TYR: variants seen among roughly 807,000 people sequenced by gnomAD.
The protein encoded by TYR is tyrosinase.
Under a neutral mutation model 51.5 loss-of-function variants are expected in TYR, and 58 were observed. That is an observed-to-expected ratio of 1.13 (90% CI 0.91 to 1.40). The LOEUF is 1.40. Ranked by LOEUF, TYR falls within the 40% of genes most tolerant of loss-of-function variation. TYR has a pLI of 0.00. For missense variants in TYR, 732 were observed against 647.4 expected, an observed-to-expected ratio of 1.13 and a Z score of -1.42; for synonymous variants, 263 against 235.2, an observed-to-expected ratio of 1.12 and a Z score of -1.08.
chr11:89,262,476 A>G (rs1373587889), intron 3 of TYR, among the ~76,000 whole-genome samples: 1 of 152,024 alleles, frequency 6.6e-6, no homozygotes, highest in Non-Finnish European at 1.5e-5. Context: ...ATAAGAAGAA[A>G]GAAATAGTAA....
chr11:89,230,635 A>T (rs1313228235), intron 3 of TYR, among the ~76,000 whole-genome samples: 1 of 152,164 alleles, frequency 6.6e-6, no homozygotes, highest in African/African-American at 2.4e-5. Context: ...TATACCTCTG[A>T]TAAGGGGTTA....
At chr11:89,201,125 T>C (rs1458231120) in intron 2 of TYR, among the ~76,000 whole-genome samples, 1 of 152,212 alleles carries the variant, frequency 6.6e-6, no homozygotes, top group Admixed American at 6.5e-5. Flanking sequence ...TCATCAGAAA[T>C]ATCTTTAAGT....
intron 3 of TYR, among the ~76,000 whole-genome samples, chr11:89,268,948 G>A (rs1404050846): frequency 3.3e-5 from 5 of 151,748 alleles, no homozygotes; most frequent in South Asian, 2.1e-4. Context: ...CCACTTTCTC[G>A]TTTCCCATCT....
intron 2 of TYR, among the ~76,000 whole-genome samples, chr11:89,218,642 A>T (rs1164410492): frequency 6.6e-6 from 1 of 152,098 alleles, no homozygotes; most frequent in Non-Finnish European, 1.5e-5. Flanking sequence ...TGTAATTAAT[A>T]ACAACAGTTA....
intron 2 of TYR, among the ~76,000 whole-genome samples, chr11:89,192,780 G>C (rs1485083290): frequency 2.0e-5 from 3 of 152,046 alleles, no homozygotes; most frequent in Non-Finnish European, 4.4e-5. Context: ...ACTTTGTATG[G>C]CATTAATTCA....
chr11:89,186,999 G>A (rs1943383033), intron 1 of TYR, among the ~76,000 whole-genome samples: 1 of 152,144 alleles, frequency 6.6e-6, no homozygotes, highest in South Asian at 2.1e-4. Context: ...CCAAACTCAT[G>A]AACTTTGAGA....
chr11:89,281,234 C>G (rs1355483124), intron 3 of TYR, among the ~76,000 whole-genome samples: 1 of 151,640 alleles, frequency 6.6e-6, no homozygotes, highest in African/African-American at 2.4e-5. Flanking sequence ...GACAGGAAGA[C>G]TGAAAGAGGC....
intron 3 of TYR, among the ~76,000 whole-genome samples, chr11:89,274,766 T>G (rs1423871811): frequency 1.3e-5 from 2 of 151,858 alleles, no homozygotes; most frequent in African/African-American, 4.8e-5. Context: ...TTTGTGCTTG[T>G]GGAAATTGGA....
intron 4 of TYR, among the ~76,000 whole-genome samples, chr11:89,287,224 C>T (rs1944799185): frequency 6.6e-6 from 1 of 151,776 alleles, no homozygotes; most frequent in African/African-American, 2.4e-5. Flanking sequence ...GGACTGAAAT[C>T]AATAAATCAG....
chr11:89,188,596 G>T (rs1943405525), intron 1 of TYR, among the ~76,000 whole-genome samples: 1 of 152,088 alleles, frequency 6.6e-6, no homozygotes, highest in Non-Finnish European at 1.5e-5. Context: ...GGATACTGCT[G>T]AACATTCTAA....
At chr11:89,248,554 C>T (rs1944294369) in intron 3 of TYR, among the ~76,000 whole-genome samples, 1 of 151,996 alleles carries the variant, frequency 6.6e-6, no homozygotes, top group African/African-American at 2.4e-5. Context: ...GGAAAGGAGA[C>T]TAGAAAAGCT....
chr11:89,248,865 T>C (rs1450556925), intron 3 of TYR, among the ~76,000 whole-genome samples: 1 of 152,084 alleles, frequency 6.6e-6, no homozygotes, highest in Non-Finnish European at 1.5e-5. Context: ...CCGAACCTTA[T>C]GTATTTCAGA....
chr11:89,225,865 A>T (rs1565404389), intron 2 of TYR, among the ~76,000 whole-genome samples: 1 of 152,006 alleles, frequency 6.6e-6, no homozygotes, highest in Non-Finnish European at 1.5e-5. Context: ...GATTCCCAAC[A>T]CAAAGAAAAG....
chr11:89,208,915 G>A (rs1191073983), intron 2 of TYR, among the ~76,000 whole-genome samples: 1 of 152,158 alleles, frequency 6.6e-6, no homozygotes, highest in Non-Finnish European at 1.5e-5. Context: ...TAAGAACAAA[G>A]GTAAGACCTT....
intron 2 of TYR, among the ~76,000 whole-genome samples, chr11:89,198,421 G>T (rs1342545858): frequency 6.6e-6 from 1 of 152,088 alleles, no homozygotes; most frequent in African/African-American, 2.4e-5. Context: ...GACTCCGAGA[G>T]AGGCAGAAGG....
At position 89,178,190 on chromosome 11, in the gene TYR, G is replaced by A. The variant is rs376813190; in HGVS notation, c.237G>A (p.Ser79=). ...FPFTGVDDRE[S]WPSVFYNRTC... ...TCACAGGGGTGGATGACCGGGAGTC[G>A]TGGCCTTCCGTCTTTTATAATAGGA... The change falls in exon 1 of 5, where the codon TCG becomes TCA. Residue 79 remains serine, a synonymous_variant. Transcript: ENST00000263321. The A allele has an allele frequency of 2.4e-5, 39 of 1,613,996 alleles. No individual in the cohort carries two copies. The African/African-American group carries it at 2.7e-4, about 11-fold the overall frequency.
chr11:89,240,413 T>C (rs1944176722), intron 3 of TYR, among the ~76,000 whole-genome samples: 1 of 152,192 alleles, frequency 6.6e-6, no homozygotes, highest in Non-Finnish European at 1.5e-5. Context: ...GTGAAATTTC[T>C]ATTTACTTCC....
intron 3 of TYR, among the ~76,000 whole-genome samples, chr11:89,259,827 A>T (rs1265627161): frequency 1.3e-5 from 2 of 152,144 alleles, no homozygotes; most frequent in East Asian, 3.9e-4. Flanking sequence ...TTAAAAATAC[A>T]TACCACTGTT....
At chr11:89,255,388 C>A (rs1944378451) in intron 3 of TYR, among the ~76,000 whole-genome samples, 1 of 151,214 alleles carries the variant, frequency 6.6e-6, no homozygotes, top group African/African-American at 2.4e-5. Flanking sequence ...GTCTTGATGA[C>A]CTGTCTAATG....
Sources: allele counts gnomAD v4.1 joint callset (sites outside exome capture counted in the v4.1 genomes callset), GRCh38; gene constraint gnomAD v4.1.1; transcripts MANE v1.5; gene names NCBI Gene and HGNC (gene_info 2026-07-23, HGNC 2026-07-21).